The following CTNNA3 variants were observed in gnomAD, a reference collection of about 807,000 sequenced individuals.
The protein encoded by CTNNA3 is catenin alpha 3, also known as catenin alpha-3.
Under a neutral mutation model 95.7 loss-of-function variants are expected in CTNNA3, and 76 were observed. The observed-to-expected ratio is 0.79, with a 90% CI of 0.66 to 0.96. CTNNA3 has a LOEUF of 0.96. CTNNA3 is among the 40% of genes least tolerant of loss of function. CTNNA3 has a pLI of 0.00. For synonymous variants in CTNNA3, 431 were observed against 374.4 expected (o/e 1.15, Z -1.74); for missense variants, 1,191 against 1,089.8 (o/e 1.09, Z -1.31).
chr10:66,449,596 G>A (rs552797883), intron 11 of CTNNA3, among the ~76,000 whole-genome samples: 1 of 152,054 alleles, frequency 6.6e-6, no homozygotes, highest in South Asian at 2.1e-4. Flanking sequence ...TTCAATTCCA[G>A]GAAAGGCTAT....
chr10:66,578,284 C>T (rs1334933094), intron 10 of CTNNA3, among the ~76,000 whole-genome samples: 1 of 151,714 alleles, frequency 6.6e-6, no homozygotes, highest in Non-Finnish European at 1.5e-5. Context: ...AGTTAGACTT[C>T]CTCTCTATTT....
chr10:66,336,728 C>T (rs1338354457), intron 12 of CTNNA3, among the ~76,000 whole-genome samples: 1 of 152,026 alleles, frequency 6.6e-6, no homozygotes, highest in Non-Finnish European at 1.5e-5. Context: ...AAATCATTCA[C>T]ACTGAATATA....
chr10:67,292,597 G>A (rs1351592236), intron 5 of CTNNA3, among the ~76,000 whole-genome samples: 2 of 151,918 alleles, frequency 1.3e-5, no homozygotes, highest in African/African-American at 4.8e-5. Context: ...ACTCCTACTT[G>A]GCTATTTTCT....
At chr10:66,344,226 C>CAAA (rs71035122) in intron 12 of CTNNA3, among the ~76,000 whole-genome samples, 1,819 of 139,756 alleles carry the variant, frequency 0.013, 42 homozygotes, top group African/African-American at 0.041. Flanking sequence ...GACTCCATCT[C>CAAA]AAAAAAAAAA....
At chr10:65,990,020 C>T (rs1308000537) in intron 15 of CTNNA3, among the ~76,000 whole-genome samples, 2 of 150,314 alleles carry the variant, frequency 1.3e-5, no homozygotes, top group African/African-American at 2.4e-5. Context: ...ATCCAAGTTG[C>T]TGTAAATGTT....
intron 5 of CTNNA3, among the ~76,000 whole-genome samples, chr10:67,455,662 C>T (rs969085559): frequency 5.9e-5 from 9 of 152,136 alleles, no homozygotes; most frequent in Admixed American, 2.0e-4. Context: ...AAAACCCAAA[C>T]CCCAGTCTAA....
chr10:66,900,158 T>C (rs1845676508), intron 7 of CTNNA3, among the ~76,000 whole-genome samples: 1 of 152,002 alleles, frequency 6.6e-6, no homozygotes, highest in South Asian at 2.1e-4. Context: ...AGAGGAAGGA[T>C]CAGGCAGTAA....
intron 7 of CTNNA3, among the ~76,000 whole-genome samples, chr10:66,840,886 T>G (rs191538572): frequency 6.6e-6 from 1 of 152,168 alleles, no homozygotes; most frequent in South Asian, 2.1e-4. Flanking sequence ...ATAGGAACTA[T>G]AGAGTAAATC....
intron 13 of CTNNA3, among the ~76,000 whole-genome samples, chr10:66,137,070 C>T (rs1456543641): frequency 6.6e-6 from 1 of 152,106 alleles, no homozygotes; most frequent in Non-Finnish European, 1.5e-5. Context: ...GATCTGCCCA[C>T]CTCAGCCTCC....
At chr10:67,162,354 T>A (rs922303670) in intron 7 of CTNNA3, among the ~76,000 whole-genome samples, 5 of 151,914 alleles carry the variant, frequency 3.3e-5, no homozygotes, top group African/African-American at 1.2e-4. Flanking sequence ...TAAGTGCCCA[T>A]TAAACTATAT....
chr10:66,848,663 T>C (rs1177386918), intron 7 of CTNNA3, among the ~76,000 whole-genome samples: 1 of 152,290 alleles, frequency 6.6e-6, no homozygotes, highest in East Asian at 1.9e-4. Flanking sequence ...AAATAGAACA[T>C]GTTGACATTG....
At chr10:66,447,266 T>C (rs902361986) in intron 11 of CTNNA3, among the ~76,000 whole-genome samples, 1 of 152,108 alleles carries the variant, frequency 6.6e-6, no homozygotes, top group African/African-American at 2.4e-5. Flanking sequence ...AATTTATAGA[T>C]TCCATGCCAT....
intron 11 of CTNNA3, among the ~76,000 whole-genome samples, chr10:66,405,909 G>A (rs899853480): frequency 9.9e-5 from 15 of 152,088 alleles, no homozygotes; most frequent in Non-Finnish European, 2.2e-4. Context: ...CAGCCATACT[G>A]ACTACCAGGG....
intron 7 of CTNNA3, among the ~76,000 whole-genome samples, chr10:66,828,982 C>T (rs1302476481): frequency 6.6e-6 from 1 of 152,376 alleles, no homozygotes. Flanking sequence ...ACCCACATGA[C>T]AGCCAGGTAG....
chr10:67,596,638 C>T (rs1318782780), intron 3 of CTNNA3, among the ~76,000 whole-genome samples: 1 of 152,226 alleles, frequency 6.6e-6, no homozygotes, highest in East Asian at 1.9e-4. Flanking sequence ...GAAAGGTCCA[C>T]TATTAGCCTG....
intron 1 of CTNNA3, among the ~76,000 whole-genome samples, chr10:67,721,434 C>G (rs1382215524): frequency 6.6e-6 from 1 of 151,910 alleles, no homozygotes; most frequent in Non-Finnish European, 1.5e-5. Flanking sequence ...ATCCTTTCTT[C>G]CACTTGATTG....
At chr10:66,795,131 T>G (rs935115633) in intron 7 of CTNNA3, among the ~76,000 whole-genome samples, 1 of 152,180 alleles carries the variant, frequency 6.6e-6, no homozygotes, top group Non-Finnish European at 1.5e-5. Flanking sequence ...TCATGAATCA[T>G]GAATGTTCTT....
intron 1 of CTNNA3, among the ~76,000 whole-genome samples, chr10:67,731,542 C>A (rs929202948): frequency 6.6e-6 from 1 of 151,848 alleles, no homozygotes; most frequent in African/African-American, 2.4e-5. Flanking sequence ...GTGGCTTACA[C>A]CTGTAATCCC....
chr10:67,601,075 G>A (rs538610761), intron 3 of CTNNA3, among the ~76,000 whole-genome samples: 63 of 152,310 alleles, frequency 4.1e-4, no homozygotes, highest in African/African-American at 6.5e-4. Flanking sequence ...ATTTCTTGAC[G>A]TGGGTGGAGG....
Sources: gnomAD v4.1 joint callset for allele counts (sites outside exome capture counted in the v4.1 genomes callset) on GRCh38, gnomAD v4.1.1 for gene constraint, MANE v1.5 for transcripts, NCBI Gene and HGNC (gene_info 2026-07-23, HGNC 2026-07-21) for gene names.